LHFPL6: variants seen among roughly 807,000 people sequenced by gnomAD.
LHFPL6 encodes LHFPL tetraspan subfamily member 6.
LHFPL6 carries 9 observed loss-of-function variants against 20.6 expected under a neutral mutation model. The observed-to-expected ratio is 0.44, with a 90% CI of 0.26 to 0.76. The LOEUF (loss-of-function observed/expected upper bound fraction) is 0.76, where lower values mean the gene tolerates loss of function less well. Ranked by LOEUF, LHFPL6 falls within the 30% of genes least tolerant of loss-of-function variation. The pLI is 0.20. For missense variants in LHFPL6, 218 were observed against 253.5 expected (o/e 0.86, Z 0.95); for synonymous variants, 105 against 98.7 (o/e 1.06, Z -0.38).
At chr13:39,586,894 C>T (rs902969092) in intron 2 of LHFPL6, among the ~76,000 whole-genome samples, 10 of 152,076 alleles carry the variant, frequency 6.6e-5, no homozygotes, top group Admixed American at 1.3e-4. Context: ...CGGTGGCTCA[C>T]GCCTGTAATC....
chr13:39,584,022 C>T (rs868431521), intron 2 of LHFPL6, among the ~76,000 whole-genome samples: 22 of 152,264 alleles, frequency 1.4e-4, no homozygotes, highest in Middle Eastern at 6.8e-3. Context: ...TCTTCCTTGG[C>T]ACCCTTCTAG....
intron 2 of LHFPL6, among the ~76,000 whole-genome samples, chr13:39,552,467 G>T (rs1177697251): frequency 6.6e-6 from 1 of 152,098 alleles, no homozygotes; most frequent in African/African-American, 2.4e-5. Context: ...TGCATGCAAG[G>T]GATCAAAGGC....
intron 2 of LHFPL6, among the ~76,000 whole-genome samples, chr13:39,412,733 G>T (rs1272904961): frequency 6.6e-6 from 1 of 152,114 alleles, no homozygotes; most frequent in Non-Finnish European, 1.5e-5. Context: ...GACCAGCCTG[G>T]CCAAGATTGT....
chr13:39,393,131 G>C (rs1187966480), intron 2 of LHFPL6, among the ~76,000 whole-genome samples: 1 of 152,124 alleles, frequency 6.6e-6, no homozygotes, highest in African/African-American at 2.4e-5. Flanking sequence ...TGCAGATTTT[G>C]GTATCTAAGA....
intron 2 of LHFPL6, among the ~76,000 whole-genome samples, chr13:39,413,875 T>C (rs1475618837): frequency 6.6e-6 from 1 of 152,188 alleles, no homozygotes; most frequent in African/African-American, 2.4e-5. Context: ...CAAAATAGAT[T>C]GGTTTTGCCT....
intron 2 of LHFPL6, among the ~76,000 whole-genome samples, chr13:39,549,036 T>C (rs1871066699): frequency 6.6e-6 from 1 of 152,128 alleles, no homozygotes; most frequent in Non-Finnish European, 1.5e-5. Flanking sequence ...ATATCCAGGA[T>C]ATTTAAGGAA....
chr13:39,491,302 A>G (rs1350306302), intron 2 of LHFPL6, among the ~76,000 whole-genome samples: 2 of 152,208 alleles, frequency 1.3e-5, no homozygotes, highest in Non-Finnish European at 1.5e-5. Flanking sequence ...GAGGGAAAAT[A>G]GCATTTCTGA....
intron 2 of LHFPL6, among the ~76,000 whole-genome samples, chr13:39,588,449 T>C (rs1872516254): frequency 1.3e-5 from 2 of 152,220 alleles, no homozygotes; most frequent in South Asian, 2.1e-4. Flanking sequence ...TACAAGTAAA[T>C]AGGGCCCTGC....
intron 2 of LHFPL6, among the ~76,000 whole-genome samples, chr13:39,585,112 C>A (rs1161370354): frequency 6.6e-6 from 1 of 152,162 alleles, no homozygotes; most frequent in African/African-American, 2.4e-5. Flanking sequence ...TAGTAGATTA[C>A]TGAGAGGGCA....
chr13:39,497,295 T>A (rs1039660677), intron 2 of LHFPL6, among the ~76,000 whole-genome samples: 1 of 152,074 alleles, frequency 6.6e-6, no homozygotes, highest in African/African-American at 2.4e-5. Flanking sequence ...TTGAATACCA[T>A]GAGGGAAAGG....
chr13:39,403,096 G>A (rs938118940), intron 2 of LHFPL6, among the ~76,000 whole-genome samples: 9 of 152,208 alleles, frequency 5.9e-5, no homozygotes, highest in Admixed American at 5.9e-4. Flanking sequence ...TGTATCAGAA[G>A]TTTTCTGATT....
chr13:39,539,615 G>A lies in LHFPL6; in HGVS notation c.385+61217C>T, dbSNP rs576481522. 7.2e-5 allele frequency among the ~76,000 whole-genome samples: 11 copies of A among 152,300 alleles called. No homozygotes were observed. In the East Asian group the frequency reaches 2.1e-3, roughly 29 times the overall value. On this transcript the variant is annotated intron_variant, in intron 2 of 3. Coordinates refer to ENST00000379589, the MANE Select transcript of LHFPL6 (RefSeq NM_005780.3). ...GAGAATAAACACAGGTGCCACTGGG[G>A]AAAATGAACTCAATTAATCAGCGTA...
At chr13:39,574,571 CATTA>C (rs1275300164) in intron 2 of LHFPL6, among the ~76,000 whole-genome samples, 1 of 151,608 alleles carries the variant, frequency 6.6e-6, no homozygotes, top group Non-Finnish European at 1.5e-5. Flanking sequence ...TTGGACTATT[CATTA>C]ATTGATTATT....
At chr13:39,546,422 G>T (rs55997001) in intron 2 of LHFPL6, among the ~76,000 whole-genome samples, 2,916 of 152,190 alleles carry the variant, frequency 0.019, 41 homozygotes, top group Non-Finnish European at 0.03. Context: ...AGCAGATTCC[G>T]ATAGACATTT....
Position 39,601,405 on chromosome 13 carries a change from G to A in LHFPL6, c.-174-15C>T. On this transcript the variant is annotated splice_polypyrimidine_tract_variant and intron_variant, in intron 1 of 3. Coordinates refer to ENST00000379589, the MANE Select transcript of LHFPL6 (RefSeq NM_005780.3). ...GATGATGGTCCCTGGTAAAACAACA[G>A]GAAACATTAAAAATTAAAGGCATTA... is the stretch of plus-strand genomic sequence containing the variant. The A allele has an allele frequency of 2.0e-6, 1 of 498,648 alleles. No homozygotes were observed. Among genetic ancestry groups the A allele is most frequent in the Non-Finnish European group, 3.5e-6 (1 of 288,964 alleles). 30.9% of individuals were successfully genotyped at this position (498,648 alleles called of 1,614,324 possible).
intron 2 of LHFPL6, among the ~76,000 whole-genome samples, chr13:39,564,973 T>C (rs149003689): frequency 1.6e-4 from 24 of 152,280 alleles, no homozygotes; most frequent in Admixed American, 1.2e-3. Context: ...AAATCAAAGA[T>C]TGTATTCTCA....
intron 2 of LHFPL6, among the ~76,000 whole-genome samples, chr13:39,451,516 A>C (rs1276249699): frequency 2.0e-5 from 3 of 152,244 alleles, no homozygotes; most frequent in Non-Finnish European, 4.4e-5. Flanking sequence ...TTTCACAAAA[A>C]GCCACTAAAT....
At chr13:39,366,451 A>G (rs1393028027) in intron 3 of LHFPL6, among the ~76,000 whole-genome samples, 2 of 152,230 alleles carry the variant, frequency 1.3e-5, no homozygotes, top group Admixed American at 1.3e-4. Flanking sequence ...AGCACCCATG[A>G]GTATCCAGTC....
At chr13:39,459,528 A>G (rs1872644105) in intron 2 of LHFPL6, among the ~76,000 whole-genome samples, 1 of 152,066 alleles carries the variant, frequency 6.6e-6, no homozygotes, top group Admixed American at 6.6e-5. Context: ...GTAATTTTCA[A>G]TACTTTAACA....
Sources: allele counts gnomAD v4.1 joint callset (sites outside exome capture counted in the v4.1 genomes callset), GRCh38; gene constraint gnomAD v4.1.1; transcripts MANE v1.5; gene names NCBI Gene and HGNC (gene_info 2026-07-23, HGNC 2026-07-21).